Variants in PRKACB observed in about 807,000 individuals in gnomAD.
PRKACB encodes the protein cAMP-dependent protein kinase catalytic subunit beta.
In PRKACB, 16 loss-of-function variants were observed where a neutral mutation model predicts 51.4. That is an observed-to-expected ratio of 0.31 (90% confidence interval 0.21 to 0.47). The LOEUF is 0.47. Among genes scored for constraint, PRKACB ranks in the 20% least tolerant of loss-of-function variants. PRKACB has a pLI of 1.00. For missense variants in PRKACB, 309 were observed against 464.5 expected (o/e 0.67, Z 3.08); for synonymous variants, 147 against 154.4 (o/e 0.95, Z 0.35).
chr1:84,213,097 T>A (rs1021696659), intron 8 of PRKACB, among the ~76,000 whole-genome samples: 1 of 152,012 alleles, frequency 6.6e-6, no homozygotes, highest in Non-Finnish European at 1.5e-5. Context: ...CCCTTTAAAG[T>A]GTTTTCTACA....
At chr1:84,229,047 C>T (rs112075823) in intron 9 of PRKACB, among the ~76,000 whole-genome samples, 3,236 of 146,916 alleles carry the variant, frequency 0.022, 130 homozygotes, top group African/African-American at 0.078. Context: ...CGTCATCTAG[C>T]ATTAGGTATA....
intron 1 of PRKACB, among the ~76,000 whole-genome samples, chr1:84,167,725 C>T (rs1657980387): frequency 6.6e-6 from 1 of 151,528 alleles, no homozygotes; most frequent in South Asian, 2.1e-4. Flanking sequence ...TTCATTTTTA[C>T]ATACTTGAAC....
chr1:84,158,562 C>T (rs1404433623), intron 1 of PRKACB, among the ~76,000 whole-genome samples: 1 of 148,536 alleles, frequency 6.7e-6, no homozygotes, highest in Admixed American at 6.8e-5. Context: ...TTTGTATATT[C>T]TGAACTAAGT....
At chr1:84,164,627 G>T in intron 1 of PRKACB, 1 of 1,380,990 alleles carries the variant, frequency 7.2e-7, no homozygotes, top group Non-Finnish European at 9.5e-7. Context: ...TAATGTTGCC[G>T]TGGTAACAAC....
intron 1 of PRKACB, chr1:84,086,219 A>G: frequency 6.3e-7 from 1 of 1,594,942 alleles, no homozygotes; most frequent in South Asian, 1.1e-5. Flanking sequence ...CTTCCTGAAG[A>G]AGCTGATTGG....
At chr1:84,082,005 C>T (rs1161187431) in intron 1 of PRKACB, among the ~76,000 whole-genome samples, 1 of 152,194 alleles carries the variant, frequency 6.6e-6, no homozygotes, top group African/African-American at 2.4e-5. Context: ...AGTTTCTTAA[C>T]AACTAACATT....
At chr1:84,094,450 T>C (rs1244818904) in intron 1 of PRKACB, among the ~76,000 whole-genome samples, 1 of 151,990 alleles carries the variant, frequency 6.6e-6, no homozygotes, top group Non-Finnish European at 1.5e-5. Context: ...AATGTCTCAG[T>C]GTGTTTTCTT....
rs911925829 is a variant in PRKACB, at chr1:84,175,250, C to A, written c.188-3927C>A. 2.0e-5 allele frequency among the ~76,000 whole-genome samples: 3 copies of A among 151,376 alleles called. No individual in the cohort carries two copies. In the South Asian group the frequency reaches 6.2e-4, roughly 31 times the overall value. ...ATATAAATGATTTATATTGTAATTT[C>A]TTGTGTGGTATTTTAGAAAGAATAA... On this transcript the variant is annotated intron_variant, in intron 1 of 9. Transcript: ENST00000370685.
At chr1:84,117,718 TTTTG>T (rs1650744151) in intron 1 of PRKACB, among the ~76,000 whole-genome samples, 1 of 152,186 alleles carries the variant, frequency 6.6e-6, no homozygotes, top group Non-Finnish European at 1.5e-5. Context: ...AGTTTATCAA[TTTTG>T]TTTGTCTTTT....
chr1:84,181,376 A>G (rs745987608), intron 2 of PRKACB, among the ~76,000 whole-genome samples: 17 of 152,024 alleles, frequency 1.1e-4, no homozygotes, highest in Non-Finnish European at 2.2e-4. Context: ...ACTTCTTGCC[A>G]TTTAACACAT....
chr1:84,177,556 C>G (rs1661721286), intron 1 of PRKACB, among the ~76,000 whole-genome samples: 1 of 151,888 alleles, frequency 6.6e-6, no homozygotes, highest in Admixed American at 6.6e-5. Context: ...GCCTGGGCAG[C>G]ACAGTTAGAC....
At chr1:84,211,860 A>G (rs1672185241) in intron 8 of PRKACB, among the ~76,000 whole-genome samples, 1 of 152,190 alleles carries the variant, frequency 6.6e-6, no homozygotes, top group Non-Finnish European at 1.5e-5. Flanking sequence ...TGTGTCAAGA[A>G]TAAAACTAGA....
At chr1:84,130,189 CAA>C (rs71097833) in intron 1 of PRKACB, among the ~76,000 whole-genome samples, 1,987 of 55,968 alleles carry the variant, frequency 0.036, 20 homozygotes, top group East Asian at 0.12. Flanking sequence ...GACTCCGTCT[CAA>C]AAAAAAAAAA....
intron 1 of PRKACB, among the ~76,000 whole-genome samples, chr1:84,149,484 C>G (rs561082575): frequency 1.3e-5 from 2 of 152,142 alleles, no homozygotes; most frequent in Non-Finnish European, 2.9e-5. Context: ...CGATCTTGAA[C>G]TCCTGAACTC....
At chr1:84,158,952 AGGGTTCAC>A (rs1263642863) in intron 1 of PRKACB, among the ~76,000 whole-genome samples, 1 of 152,160 alleles carries the variant, frequency 6.6e-6, no homozygotes, top group Non-Finnish European at 1.5e-5. Flanking sequence ...CATAAATGAA[AGGGTTCAC>A]TTCTGAATTC....
At chr1:84,224,373 T>C (rs1674232463) in intron 9 of PRKACB, among the ~76,000 whole-genome samples, 1 of 152,182 alleles carries the variant, frequency 6.6e-6, no homozygotes. Context: ...CTGTGCAGCA[T>C]GTGTGGCATA....
intron 1 of PRKACB, among the ~76,000 whole-genome samples, chr1:84,121,647 A>T (rs1433153671): frequency 6.6e-6 from 1 of 152,104 alleles, no homozygotes; most frequent in East Asian, 1.9e-4. Flanking sequence ...TTACTTTTGC[A>T]AGTCTTACAA....
At chr1:84,128,202 T>C (rs977180522) in intron 1 of PRKACB, among the ~76,000 whole-genome samples, 5 of 151,874 alleles carry the variant, frequency 3.3e-5, no homozygotes, top group Admixed American at 1.3e-4. Context: ...GGAGACTGGG[T>C]TCCACCATGT....
chr1:84,108,983 A>G (rs894482423), intron 1 of PRKACB, among the ~76,000 whole-genome samples: 8 of 152,016 alleles, frequency 5.3e-5, no homozygotes, highest in African/African-American at 1.9e-4. Flanking sequence ...TATAAATGTA[A>G]TCACACAACA....
Sources: allele counts gnomAD v4.1 joint callset (sites outside exome capture counted in the v4.1 genomes callset), GRCh38; gene constraint gnomAD v4.1.1; transcripts MANE v1.5; gene names NCBI Gene and HGNC (gene_info 2026-07-23, HGNC 2026-07-21).